Variants in GPC4 observed in about 807,000 individuals in gnomAD.
GPC4 encodes the protein glypican 4.
In GPC4, 10 loss-of-function variants were observed where a neutral mutation model predicts 35.0. The observed-to-expected ratio is 0.29, with a 90% CI of 0.18 to 0.48. The LOEUF (loss-of-function observed/expected upper bound fraction) is 0.48, where lower values mean the gene tolerates loss of function less well. Among genes scored for constraint, GPC4 ranks in the 20% least tolerant of loss-of-function variants. The probability of loss-of-function intolerance (pLI) is 0.99; values close to 1 mark genes in which losing one functional copy is unlikely to be tolerated. For synonymous variants in GPC4, 167 were observed against 170.2 expected (o/e 0.98, Z 0.15); for missense variants, 322 against 451.3 (o/e 0.71, Z 2.60).
chrX:133,307,894 G>T (rs2068297636), intron 4 of GPC4, among the ~76,000 whole-genome samples: 1 of 112,220 alleles, frequency 8.9e-6, no homozygotes, highest in South Asian at 3.7e-4. Context: ...AAGACTGAAA[G>T]GAAACATAAA....
At chrX:133,363,002 T>C (rs1308434100) in intron 1 of GPC4, among the ~76,000 whole-genome samples, 2 of 112,018 alleles carry the variant, frequency 1.8e-5, no homozygotes, top group African/African-American at 3.2e-5. Flanking sequence ...CGATTTGCTA[T>C]TCTGACAGAG....
At chrX:133,407,635 T>C (rs905643449) in intron 1 of GPC4, among the ~76,000 whole-genome samples, 2 of 111,805 alleles carry the variant, frequency 1.8e-5, no homozygotes, top group African/African-American at 6.5e-5. Flanking sequence ...TCACCATTAT[T>C]ATCACACATG....
chrX:133,328,079 T>C, intron 2 of GPC4, among the ~76,000 whole-genome samples: 1 of 111,107 alleles, frequency 9.0e-6, no homozygotes, highest in Middle Eastern at 4.6e-3. Flanking sequence ...ACCTTTACCA[T>C]ACACTGCCAC....
chrX:133,414,983 A>G lies in GPC4; in HGVS notation c.-18T>C. 8.3e-7 allele frequency: 1 copy of G among 1,201,647 alleles called. No homozygotes were observed. The highest frequency in any genetic ancestry group is 2.5e-4 in the Middle Eastern group (1 of 3,944). On this transcript the variant is annotated 5_prime_UTR_variant, in exon 1 of 9. Transcript: ENST00000370828. ...CGTGCCATGGTGCGGGCCGGGGCGG[A>G]CGCGTTCCCACCTTTGGGACCGGAC...
chrX:133,396,169 T>C (rs2068741964), intron 1 of GPC4, among the ~76,000 whole-genome samples: 1 of 111,812 alleles, frequency 8.9e-6, no homozygotes, highest in Admixed American at 9.6e-5. Flanking sequence ...TAATGGTCCC[T>C]AGGAAACTGC....
intron 1 of GPC4, among the ~76,000 whole-genome samples, chrX:133,376,030 G>A (rs6638085): frequency 0.02 from 2,190 of 111,995 alleles, 55 homozygotes; most frequent in African/African-American, 0.067. Context: ...TTTGAGAGCC[G>A]TCCTATAGCC....
intron 6 of GPC4, 150 bp from the exon 7 acceptor site, chrX:133,305,011 A>G (rs1270447844): frequency 2.8e-5 from 15 of 533,009 alleles, no homozygotes; most frequent in African/African-American, 4.7e-5. Context: ...TGCAACTCCA[A>G]TTTATATCTT....
At chrX:133,334,502 T>C (rs1052309290) in intron 2 of GPC4, among the ~76,000 whole-genome samples, 1 of 111,326 alleles carries the variant, frequency 9.0e-6, no homozygotes, top group African/African-American at 3.3e-5. Context: ...AGAGGGAAAA[T>C]AGAGGGTACC....
At chrX:133,378,460 A>G (rs930570566) in intron 1 of GPC4, among the ~76,000 whole-genome samples, 1 of 106,345 alleles carries the variant, frequency 9.4e-6, no homozygotes, top group Admixed American at 1.0e-4. Flanking sequence ...AGTCCCAGCT[A>G]CTCTACTCGG....
chrX:133,302,869 A>T lies in GPC4; in HGVS notation c.1669T>A (p.Ter557LysextTer13), dbSNP rs770013740. Residue 557 changes from the stop codon to lysine (K), a stop_lost, in exon 9 of 9, where the codon TAA (stop) becomes AAA (lysine). Transcript: ENST00000370828. The stretch of plus-strand genomic sequence containing the variant: ...CACTTTTTCTCAGAGTTTGAGAATT[A>T]TCTCCACTCTCTCTGCATAACCAGG... ...LFLVMQREWR* is the reference protein window; with the variant it reads ...LFLVMQREWRK 8.3e-7 allele frequency: 1 copy of T among 1,206,949 alleles called. No homozygotes were observed. The highest frequency in any genetic ancestry group is 1.8e-5 in the South Asian group (1 of 56,446).
intron 1 of GPC4, among the ~76,000 whole-genome samples, chrX:133,411,774 T>C (rs962978650): frequency 2.7e-5 from 3 of 111,278 alleles, no homozygotes; most frequent in Non-Finnish European, 5.6e-5. Flanking sequence ...ATAATCTTTG[T>C]GTTAAAGATC....
In GPC4 at chrX:133,311,438, GA is replaced by G. The variant is rs1199165165; in HGVS notation, c.712-16del. 8.3e-7 allele frequency: 1 copy of G among 1,204,827 alleles called. No homozygotes were observed. Among genetic ancestry groups the G allele is most frequent in the Admixed American group, 2.2e-5 (1 of 45,572 alleles). On this transcript the variant is annotated splice_polypyrimidine_tract_variant and intron_variant, in intron 3 of 8. Coordinates refer to ENST00000370828, the MANE Select transcript of GPC4 (RefSeq NM_001448.3). The stretch of plus-strand genomic sequence containing the variant: ...GTGGGGTTTACCTAATGTGTGAAAA[GA>G]AAAAAAGACAGTAGTGGCGGGGCTA...
chrX:133,333,819 A>T (rs1467950419), intron 2 of GPC4, among the ~76,000 whole-genome samples: 7 of 112,518 alleles, frequency 6.2e-5, no homozygotes, highest in Non-Finnish European at 1.3e-4. Flanking sequence ...GAAAGCAATG[A>T]TTTTTTTAAT....
At chrX:133,312,356 C>G (rs2068318530) in intron 3 of GPC4, among the ~76,000 whole-genome samples, 1 of 110,981 alleles carries the variant, frequency 9.0e-6, no homozygotes, top group African/African-American at 3.3e-5. Flanking sequence ...AGTTGCCAGG[C>G]ACGGTGGCTC....
chrX:133,373,525 T>TGGCA lies in GPC4; in HGVS notation c.161-34188_161-34185dup, dbSNP rs200078844. Among the ~76,000 whole-genome samples, 896 of 111,666 alleles carry TGGCA rather than the reference T, an allele frequency of 8.0e-3. 10 individuals carry two copies. Among genetic ancestry groups the TGGCA allele is most frequent in the African/African-American group, 0.027 (821 of 30,683 alleles). On this transcript the variant is annotated intron_variant, in intron 1 of 8. Transcript: ENST00000370828. ...CATTCAGTGACACTGAGTGTCTATG[T>TGGCA]GGCAGGCAGGCAGGCATCAGGCTCA...
At chrX:133,314,373 A>G (rs778095716) in intron 3 of GPC4, among the ~76,000 whole-genome samples, 2 of 112,076 alleles carry the variant, frequency 1.8e-5, no homozygotes, top group African/African-American at 6.5e-5. Context: ...ACCCTCCCCT[A>G]AAATAGGCTG....
At chrX:133,399,438 T>C (rs1168476159) in intron 1 of GPC4, among the ~76,000 whole-genome samples, 1 of 111,773 alleles carries the variant, frequency 8.9e-6, no homozygotes, top group East Asian at 2.8e-4. Flanking sequence ...TAACTAGGCC[T>C]AAATTTAAAA....
At chrX:133,374,892 A>G (rs2068627001) in intron 1 of GPC4, among the ~76,000 whole-genome samples, 1 of 112,409 alleles carries the variant, frequency 8.9e-6, no homozygotes, top group African/African-American at 3.2e-5. Context: ...ACTTTTGATG[A>G]ACCTTGTTGG....
intron 1 of GPC4, among the ~76,000 whole-genome samples, chrX:133,347,107 G>A (rs988471728): frequency 9.1e-6 from 1 of 110,219 alleles, no homozygotes; most frequent in African/African-American, 3.3e-5. Flanking sequence ...TCGTAATTAT[G>A]CATCAATATT....
Sources: allele counts gnomAD v4.1 joint callset (sites outside exome capture counted in the v4.1 genomes callset), GRCh38; gene constraint gnomAD v4.1.1; transcripts MANE v1.5; gene names NCBI Gene and HGNC (gene_info 2026-07-23, HGNC 2026-07-21).